Variants in SAMD5 observed in about 807,000 individuals in gnomAD.
SAMD5 encodes the protein sterile alpha motif domain containing 5.
SAMD5 carries 13 observed loss-of-function variants against 11.3 expected under a neutral mutation model. That is an observed-to-expected ratio of 1.15 (90% confidence interval 0.75 to 1.83). The LOEUF is 1.83. Among genes scored for constraint, SAMD5 ranks in the 40% most tolerant of loss-of-function variants. The probability of loss-of-function intolerance (pLI) is 0.00; values close to 1 mark genes in which losing one functional copy is unlikely to be tolerated. For missense variants in SAMD5, 255 were observed against 239.1 expected (o/e 1.07, Z -0.44); for synonymous variants, 129 against 111.3 (o/e 1.16, Z -1.00).
chr6:147,821,817 T>G, the SAMD5 span, among the ~76,000 whole-genome samples: 3 of 152,136 alleles, frequency 2.0e-5, no homozygotes, highest in Non-Finnish European at 4.4e-5. Flanking sequence ...TCATACCACA[T>G]TGTATTTTAT....
At chr6:147,917,176 G>A in the SAMD5 span, among the ~76,000 whole-genome samples, 1 of 89,858 alleles carries the variant, frequency 1.1e-5, no homozygotes, top group Non-Finnish European at 2.1e-5. Context: ...CCCACCAACA[G>A]TGTAAAAGTG....
the SAMD5 span, among the ~76,000 whole-genome samples, chr6:147,911,804 A>C: frequency 6.6e-6 from 1 of 152,232 alleles, no homozygotes; most frequent in Non-Finnish European, 1.5e-5. Context: ...TCTGGGCCAG[A>C]TGCAGCTGAT....
At chr6:147,593,140 G>A (rs763764686) in intron 1 of SAMD5, among the ~76,000 whole-genome samples, 2 of 152,134 alleles carry the variant, frequency 1.3e-5, no homozygotes, top group African/African-American at 2.4e-5. Context: ...CTGGAATCCA[G>A]CACTCATGCA....
chr6:147,691,663 C>G (rs1178107984), intron 1 of SAMD5, among the ~76,000 whole-genome samples: 3 of 152,142 alleles, frequency 2.0e-5, no homozygotes, highest in Non-Finnish European at 4.4e-5. Context: ...AGAAAGCCAC[C>G]AAAGCAACTA....
At chr6:147,672,540 ATAATCATGG>A (rs1313886014) in intron 1 of SAMD5, among the ~76,000 whole-genome samples, 4 of 152,098 alleles carry the variant, frequency 2.6e-5, no homozygotes, top group Non-Finnish European at 5.9e-5. Flanking sequence ...CTTTGTATGG[ATAATCATGG>A]TATATTTTTA....
the SAMD5 span, chr6:147,743,034 A>T: frequency 6.6e-6 from 1 of 152,224 alleles, no homozygotes; most frequent in African/African-American, 2.4e-5. Context: ...GGGAATTTTT[A>T]AAGAACACCA....
intron 1 of SAMD5, among the ~76,000 whole-genome samples, chr6:147,639,836 T>C (rs1554239174): frequency 1.4e-5 from 2 of 144,208 alleles, no homozygotes; most frequent in Non-Finnish European, 3.1e-5. Flanking sequence ...GTGTAGATCA[T>C]TTTTAATAAC....
intron 1 of SAMD5, among the ~76,000 whole-genome samples, chr6:147,519,943 T>G (rs1788226288): frequency 6.6e-6 from 1 of 152,180 alleles, no homozygotes; most frequent in Non-Finnish European, 1.5e-5. Flanking sequence ...GACTCCCTTA[T>G]TCTTACAACT....
At chr6:147,862,125 A>G in the SAMD5 span, among the ~76,000 whole-genome samples, 5 of 152,184 alleles carry the variant, frequency 3.3e-5, no homozygotes, top group Non-Finnish European at 7.4e-5. Flanking sequence ...TTGACAAATC[A>G]GATAAGAGAT....
the SAMD5 span, among the ~76,000 whole-genome samples, chr6:147,954,381 G>A: frequency 6.6e-6 from 1 of 152,274 alleles, no homozygotes; most frequent in Admixed American, 6.5e-5. Context: ...ATAGGATAGC[G>A]GTGGTCCCAT....
chr6:147,942,461 A>C, the SAMD5 span, among the ~76,000 whole-genome samples: 5 of 152,228 alleles, frequency 3.3e-5, no homozygotes, highest in Non-Finnish European at 7.3e-5. Flanking sequence ...TGTGTGTCTA[A>C]ATGCTTTGCT....
At chr6:147,602,002 C>T (rs901283999) in intron 1 of SAMD5, among the ~76,000 whole-genome samples, 8 of 152,216 alleles carry the variant, frequency 5.3e-5, no homozygotes, top group African/African-American at 7.2e-5. Context: ...CCTCCGATCT[C>T]GTTAGTATAA....
At chr6:147,861,662 A>G in the SAMD5 span, among the ~76,000 whole-genome samples, 1 of 152,204 alleles carries the variant, frequency 6.6e-6, no homozygotes, top group Non-Finnish European at 1.5e-5. Flanking sequence ...CTTTAAAACC[A>G]TCAAAAGGAA....
the SAMD5 span, among the ~76,000 whole-genome samples, chr6:147,882,984 T>C: frequency 6.6e-6 from 1 of 152,244 alleles, no homozygotes; most frequent in Non-Finnish European, 1.5e-5. Flanking sequence ...ATTAGCTTGG[T>C]TCAGTGTCTT....
In SAMD5 at chr6:147,567,590, A is replaced by AC. The variant is rs1217914247; in HGVS notation, c.*3137dup. ...GAGGCTTAAGAGTTCTATGGCTTACACCCACATACAGTCCTTGGCTCAGTG... is the reference window on the plus strand; with the variant it reads ...GAGGCTTAAGAGTTCTATGGCTTACACCCCACATACAGTCCTTGGCTCAGTG... On this transcript the variant is annotated 3_prime_UTR_variant, in exon 2 of 2. Coordinates refer to ENST00000367474, the MANE Select transcript of SAMD5 (RefSeq NM_001030060.3). 1 of 936,736 alleles carries AC rather than the reference A, an allele frequency of 1.1e-6. No individual in the cohort carries two copies. Among genetic ancestry groups the AC allele is most frequent in the Non-Finnish European group, 1.3e-6 (1 of 786,186 alleles). The allele number at this position is 936,736 out of a possible 1,614,324, so 58.0% of individuals were successfully genotyped here.
At chr6:147,768,536 AAAAAC>A in the SAMD5 span, among the ~76,000 whole-genome samples, 4 of 152,136 alleles carry the variant, frequency 2.6e-5, no homozygotes, top group East Asian at 1.9e-4. Flanking sequence ...AAAAACAGAA[AAAAAC>A]AAAACAAAGA....
In SAMD5 at chr6:147,585,449, C is replaced by T. The variant is rs113911835; in HGVS notation, c.162+76062C>T. On this transcript the variant is annotated intron_variant, in intron 1 of 1. Coordinates refer to the SAMD5 transcript ENST00000566741. ...AAGAGTTTGCTCTTAAGAGCTGTGA[C>T]GGGCTCAGTACTGACTCTTACGAAC... Among the ~76,000 whole-genome samples, 438 of 152,168 alleles carry T rather than the reference C, an allele frequency of 2.9e-3. 2 individuals are homozygous for T. The highest frequency in any genetic ancestry group is 9.9e-3 in the African/African-American group (410 of 41,528).
the SAMD5 span, among the ~76,000 whole-genome samples, chr6:147,753,761 T>A: frequency 6.6e-6 from 1 of 151,852 alleles, no homozygotes; most frequent in Non-Finnish European, 1.5e-5. Context: ...TGTCCATGAG[T>A]TCAACAGTTT....
At chr6:147,809,379 AG>A in the SAMD5 span, among the ~76,000 whole-genome samples, 2 of 152,184 alleles carry the variant, frequency 1.3e-5, no homozygotes, top group Non-Finnish European at 2.9e-5. Flanking sequence ...AAGAGAAAAC[AG>A]AGTGGCACTG....
Sources: allele counts gnomAD v4.1 joint callset (sites outside exome capture counted in the v4.1 genomes callset), GRCh38; gene constraint gnomAD v4.1.1; transcripts MANE v1.5; gene names NCBI Gene and HGNC (gene_info 2026-07-23, HGNC 2026-07-21).